The following LSP1 variants were observed in gnomAD, a reference collection of about 807,000 sequenced individuals.
LSP1 encodes the protein lymphocyte specific protein 1.
Under a neutral mutation model 49.3 loss-of-function variants are expected in LSP1, and 32 were observed. The observed-to-expected ratio is 0.65, with a 90% CI of 0.49 to 0.87. The LOEUF (loss-of-function observed/expected upper bound fraction) is 0.87. LSP1 is among the 40% of genes least tolerant of loss of function. The pLI is 0.00. For missense variants in LSP1, 428 were observed against 442.6 expected (o/e 0.97, Z 0.30); for synonymous variants, 179 against 178.8 (o/e 1.00, Z -0.01).
chr11:1,874,981 C>G (rs1303147427), intron 1 of LSP1, among the ~76,000 whole-genome samples: 3 of 152,176 alleles, frequency 2.0e-5, no homozygotes, highest in African/African-American at 2.4e-5. Context: ...AGCTGCCCCC[C>G]ACAGCGGGCA....
chr11:1,890,494 G>C, intron 10 of LSP1: 1 of 717,124 alleles, frequency 1.4e-6, no homozygotes, highest in Non-Finnish European at 2.6e-6. Context: ...TCCTTCCCTG[G>C]CTTGGGCAGC....
chr11:1,883,597 C>T lies in LSP1; in HGVS notation c.498+37C>T, dbSNP rs1448300277. 2.9e-5 allele frequency: 45 copies of T among 1,572,708 alleles called. No homozygotes were observed. In the East Asian group the frequency reaches 3.2e-4, roughly 11 times the overall value. ...ACCTCAGAGGGTCTGGGTGTACCCCCACCCCAGGGATGAGTCTGCCTTGGC... is the reference window on the plus strand; with the variant it reads ...ACCTCAGAGGGTCTGGGTGTACCCCTACCCCAGGGATGAGTCTGCCTTGGC... On this transcript the variant is annotated intron_variant, in intron 4 of 10. Coordinates refer to ENST00000311604, the MANE Select transcript of LSP1 (RefSeq NM_002339.3).
chr11:1,854,876 C>A (rs1381328889), intron 1 of LSP1, among the ~76,000 whole-genome samples: 5 of 152,190 alleles, frequency 3.3e-5, no homozygotes, highest in African/African-American at 1.2e-4. Flanking sequence ...TCCTCCTTGG[C>A]CTCATCCTTG....
Position 1,881,480 on chromosome 11 carries a change from C to T in LSP1, c.240C>T (p.Gly80=), listed in dbSNP as rs1186649896. Residue 80 remains glycine (G), a synonymous_variant, in exon 3 of 11, where the codon GGC becomes GGT. Coordinates refer to ENST00000311604, the MANE Select transcript of LSP1 (RefSeq NM_002339.3). ...CCCCTGAACTGGATGAGGACGAGGGCTTTGGCGACTGGTCCCAGAGGCCAG... is the reference window on the plus strand; with the variant it reads ...CCCCTGAACTGGATGAGGACGAGGGTTTTGGCGACTGGTCCCAGAGGCCAG... ...SEAPELDEDE[G]FGDWSQRPEQ... 1 of 1,580,062 alleles carries T rather than the reference C, an allele frequency of 6.3e-7. No individual in the cohort carries two copies. The highest frequency in any genetic ancestry group is 2.3e-5 in the East Asian group (1 of 43,598).
intron 1 of LSP1, chr11:1,868,685 G>C: frequency 1.0e-6 from 1 of 985,772 alleles, no homozygotes; most frequent in Non-Finnish European, 1.2e-6. Context: ...GCTGGAAGTC[G>C]GTCTTCGGAC....
intron 1 of LSP1, chr11:1,866,808 A>C: frequency 6.5e-7 from 1 of 1,550,216 alleles, no homozygotes; most frequent in Admixed American, 2.0e-5. Flanking sequence ...CCCCCGGAGG[A>C]GGGGCAGAGC....
chr11:1,883,371 A>G (rs1349807717), intron 3 of LSP1, 48 bp from the exon 4 acceptor site: 1 of 1,604,448 alleles, frequency 6.2e-7, no homozygotes, highest in African/African-American at 1.3e-5. Context: ...GGGTCAACCA[A>G]GCAATCCAAT....
chr11:1,870,159 G>A (rs1318749429), intron 1 of LSP1: 2 of 705,676 alleles, frequency 2.8e-6, no homozygotes, highest in Non-Finnish European at 4.5e-6. Flanking sequence ...TGGTGCAGAG[G>A]ACCAAGGCCG....
chr11:1,884,180 A>T lies in LSP1; in HGVS notation c.592-100A>T. The T allele has an allele frequency of 6.7e-7, 1 of 1,485,352 alleles. No homozygotes were observed. Among genetic ancestry groups the T allele is most frequent in the East Asian group, 2.3e-5 (1 of 44,164 alleles). The allele number at this position is 1,485,352 out of a possible 1,614,324, so 92.0% of individuals were successfully genotyped here. On this transcript the variant is annotated intron_variant, in intron 5 of 10. Coordinates refer to ENST00000311604, the MANE Select transcript of LSP1 (RefSeq NM_002339.3). This position sits in a 1 kb window ranked among gnomAD's most constrained non-coding sequence, Gnocchi z 4.1. ...GGTGCTCAGCGAACCCCCATGATAT[A>T]AGGGTTGGGGGTTGGATTAGTGGTT... is the stretch of plus-strand genomic sequence containing the variant.
chr11:1,865,333 C>T (rs79636275), intron 1 of LSP1: 7,497 of 732,252 alleles, frequency 0.01, 52 homozygotes, highest in Middle Eastern at 0.015. Context: ...CCACATGCAC[C>T]GGGCCACTGG....
At chr11:1,876,728 T>A in intron 1 of LSP1, 4 of 768,398 alleles carry the variant, frequency 5.2e-6, no homozygotes, top group Non-Finnish European at 4.7e-6. Context: ...GGGGTGGGGG[T>A]TTGTGGAGGA....
chr11:1,887,678 C>T (rs1252109662), intron 10 of LSP1, 102 bp downstream of exon 10: 1 of 850,718 alleles, frequency 1.2e-6, no homozygotes, highest in Non-Finnish European at 1.9e-6. Flanking sequence ...TTGCAGGCTA[C>T]AAGGGTGGAC....
rs1242142357 is a variant in LSP1 at position 1,886,726 on chromosome 11, C to G, written c.718-6C>G. ...AGGTAATCCTGATGCTTTTCCTCCT[C>G]TGCAGACCGCTGGCCGGACCCCCAA... On this transcript the variant is annotated splice_polypyrimidine_tract_variant and splice_region_variant and intron_variant, in intron 7 of 10. Coordinates refer to ENST00000311604, the MANE Select transcript of LSP1 (RefSeq NM_002339.3). 6.2e-7 allele frequency: 1 copy of G among 1,605,850 alleles called. No individual in the cohort carries two copies. The highest frequency in any genetic ancestry group is 8.5e-7 in the Non-Finnish European group (1 of 1,175,440).
rs7103032 is a variant in LSP1 at position 1,883,048 on chromosome 11, C to T, written c.357-371C>T. Among the ~76,000 whole-genome samples the T allele has an allele frequency of 2.1e-3, 316 of 152,340 alleles. 3 individuals are homozygous for T. The highest frequency in any genetic ancestry group is 7.3e-3 in the African/African-American group (303 of 41,572). On this transcript the variant is annotated intron_variant, in intron 3 of 10. Coordinates refer to ENST00000311604, the MANE Select transcript of LSP1 (RefSeq NM_002339.3). ...AGCAGGAGTGGTGGCCCCAGCAGCCCGGCCTCGCGGGGACCCCGTCAGACC... is the reference window on the plus strand; with the variant it reads ...AGCAGGAGTGGTGGCCCCAGCAGCCTGGCCTCGCGGGGACCCCGTCAGACC...
chr11:1,884,259 G>A lies in LSP1; in HGVS notation c.592-21G>A. 6.2e-7 allele frequency: 1 copy of A among 1,613,978 alleles called. No individual in the cohort carries two copies. The highest frequency in any genetic ancestry group is 8.5e-7 in the Non-Finnish European group (1 of 1,179,918). On this transcript the variant is annotated intron_variant, in intron 5 of 10. Coordinates refer to ENST00000311604, the MANE Select transcript of LSP1 (RefSeq NM_002339.3). This position sits in a 1 kb window ranked among gnomAD's most constrained non-coding sequence, Gnocchi z 4.1. ...TTTACCTCGGCTGCTGCAGGCCTGTGTCTCTCTCCACCCTCTGCAGCTCAT... is the reference window on the plus strand; with the variant it reads ...TTTACCTCGGCTGCTGCAGGCCTGTATCTCTCTCCACCCTCTGCAGCTCAT...
chr11:1,886,377 T>C (rs1480025467), intron 7 of LSP1, among the ~76,000 whole-genome samples: 1 of 152,102 alleles, frequency 6.6e-6, no homozygotes, highest in East Asian at 1.9e-4. Flanking sequence ...ATCTAATCAA[T>C]GCTCCTCCAT....
chr11:1,866,588 C>G (rs191404564), intron 1 of LSP1: 1 of 1,549,728 alleles, frequency 6.5e-7, no homozygotes, highest in African/African-American at 1.4e-5. Flanking sequence ...CCAGCCTCCC[C>G]CTACCCCTGG....
In LSP1 at chr11:1,881,211, G is replaced by A. The variant is rs1848523729; in HGVS notation, c.192-221G>A. 5.8e-6 allele frequency: 3 copies of A among 516,902 alleles called. No individual in the cohort carries two copies. The East Asian group carries it at 1.0e-4, about 18-fold the overall frequency. 32.0% of individuals were successfully genotyped at this position (516,902 alleles called of 1,614,324 possible). A position where few individuals can be genotyped will look rare whatever the true frequency, so the allele number is the denominator to read the frequency against. On this transcript the variant is annotated intron_variant, in intron 2 of 10. Coordinates refer to ENST00000311604, the MANE Select transcript of LSP1 (RefSeq NM_002339.3). ...CCTCAAGGAGTCCTGGACTGATGGA[G>A]GAAGCACAGTTCTCAGGCTGCCCCA...
chr11:1,890,398 G>A (rs763960222), intron 10 of LSP1: 26 of 716,990 alleles, frequency 3.6e-5, no homozygotes, highest in African/African-American at 1.2e-4. Context: ...AGGGAGGTGC[G>A]GAAGGCCCTG....
Sources: allele counts gnomAD v4.1 joint callset (sites outside exome capture counted in the v4.1 genomes callset), GRCh38; gene constraint gnomAD v4.1.1; non-coding constraint Gnocchi (gnomAD v3.1); transcripts MANE v1.5; gene names NCBI Gene and HGNC (gene_info 2026-07-23, HGNC 2026-07-21).